The following FBN1 variants were observed in gnomAD, a reference collection of about 807,000 sequenced individuals.
FBN1 encodes fibrillin 1.
In FBN1, 29 loss-of-function variants were observed where a neutral mutation model predicts 365.1. The ratio of observed to expected loss-of-function variants is 0.08; its 90% CI spans 0.06 to 0.11. FBN1 has a LOEUF of 0.11. FBN1 is among the 10% of genes least tolerant of loss of function. FBN1 has a pLI of 1.00. For missense variants in FBN1, 2,476 were observed against 3,703.2 expected (o/e 0.67, Z 8.60); for synonymous variants, 1,210 against 1,270.5 (o/e 0.95, Z 1.01).
chr15:48,412,694 C>G lies in FBN1; in HGVS notation c.8101G>C (p.Val2701Leu). The G allele has an allele frequency of 6.2e-7, 1 of 1,614,252 alleles. No individual in the cohort carries two copies. Among genetic ancestry groups the G allele is most frequent in the Non-Finnish European group, 8.5e-7 (1 of 1,180,028 alleles). ...GAATTGTCATCCATTTCACCACTGA[C>G]AGGTGGCTCTGGGTTTCCTCGGCCC... Reference protein sequence around the residue: ...GMGRGNPEPPVSGEMDDNSLS... With the variant: ...GMGRGNPEPPLSGEMDDNSLS... Residue 2701 changes from valine (V) to leucine (L), a missense_variant, in exon 65 of 66, where the codon GTC (valine) becomes CTC (leucine). This residue lies in a region of FBN1 where 1,780 missense variants were observed against 2,840.8 expected (regional missense o/e 0.63). Coordinates refer to ENST00000316623, the MANE Select transcript of FBN1 (RefSeq NM_000138.5).
rs949922973 is a variant in FBN1 at position 48,606,577 on chromosome 15, AAG to A, written c.346+4149_346+4150del. On this transcript the variant is annotated intron_variant, in intron 4 of 65. Coordinates refer to ENST00000316623, the MANE Select transcript of FBN1 (RefSeq NM_000138.5). ...AACAGATTAGTGGTTGTCAGAATTA[AAG>A]AGAGAATTATGTCGGGAAGAAAATG... 2.6e-4 allele frequency among the ~76,000 whole-genome samples: 39 copies of A among 152,354 alleles called. No homozygotes were observed. The East Asian group carries it at 6.9e-3, about 27-fold the overall frequency.
chr15:48,615,282 AT>A lies in FBN1; in HGVS notation c.165-2191del, dbSNP rs111531060. On this transcript the variant is annotated intron_variant, in intron 2 of 65. Transcript: ENST00000316623. ...CCTGTGGTTGACATAACAAGGTTTT[AT>A]TTTTTTTTTTTACTACAATCATACA... Among the ~76,000 whole-genome samples, 1,131 of 145,802 alleles carry A rather than the reference AT, an allele frequency of 7.8e-3. 12 individuals carry two copies. Among genetic ancestry groups the A allele is most frequent in the African/African-American group, 0.024 (966 of 40,018 alleles).
rs363820 is a variant in FBN1, at chr15:48,436,833, T to C, written c.6496+128A>G. ...ACTCACTAGTATTCTAAATGAATGA[T>C]GTATGAGTGGATGGATAAAACTTAT... On this transcript the variant is annotated intron_variant, in intron 53 of 65. Transcript: ENST00000316623. 71,910 of 744,996 alleles carry C rather than the reference T, an allele frequency of 0.097. 3,842 individuals are homozygous for C. The highest frequency in any genetic ancestry group is 0.17 in the Middle Eastern group (689 of 4,036). The allele number at this position is 744,996 out of a possible 1,614,324, so 46.1% of individuals were successfully genotyped here.
At chr15:48,604,364 G>C (rs1039407782) in intron 4 of FBN1, among the ~76,000 whole-genome samples, 14 of 152,160 alleles carry the variant, frequency 9.2e-5, no homozygotes, top group African/African-American at 3.4e-4. Flanking sequence ...TAAACAGCTA[G>C]ACTAACTTCT....
intron 6 of FBN1, among the ~76,000 whole-genome samples, chr15:48,579,980 G>T (rs2044378792): frequency 6.6e-6 from 1 of 152,134 alleles, no homozygotes; most frequent in South Asian, 2.1e-4. Flanking sequence ...TTTTGAAATT[G>T]AAGGGACACA....
intron 2 of FBN1, chr15:48,644,264 C>T: frequency 3.3e-6 from 1 of 305,350 alleles, no homozygotes; most frequent in Non-Finnish European, 6.3e-6. Context: ...CTAGAAACAA[C>T]CAGAATTGAT....
At chr15:48,605,519 T>C (rs901555323) in intron 4 of FBN1, among the ~76,000 whole-genome samples, 9 of 152,210 alleles carry the variant, frequency 5.9e-5, no homozygotes, top group African/African-American at 2.2e-4. Context: ...AGCTAGTATT[T>C]AGAGTATACA....
chr15:48,600,878 A>G (rs1184909835), intron 4 of FBN1, among the ~76,000 whole-genome samples: 1 of 152,188 alleles, frequency 6.6e-6, no homozygotes, highest in Non-Finnish European at 1.5e-5. Flanking sequence ...GATGGCAATA[A>G]TTTTCCCGTG....
intron 24 of FBN1, among the ~76,000 whole-genome samples, chr15:48,490,564 A>G (rs1053929354): frequency 3.3e-5 from 5 of 152,334 alleles, no homozygotes; most frequent in African/African-American, 1.2e-4. Context: ...TGGAAAGAGG[A>G]CTGCTTTACT....
chr15:48,456,871 T>TGTGTGTGTGTGTGTGTGTGTGTGCGC, intron 43 of FBN1, 109 bp from the exon 44 acceptor site: 2 of 1,083,616 alleles, frequency 1.8e-6, no homozygotes, highest in South Asian at 2.5e-5. Context: ...TGTGTGTGTG[T>TGTGTGTGTGTGTGTGTGTGTGTGCGC]GCGTGCATGT....
At chr15:48,614,459 T>C (rs1342469847) in intron 2 of FBN1, among the ~76,000 whole-genome samples, 1 of 152,218 alleles carries the variant, frequency 6.6e-6, no homozygotes, top group Admixed American at 6.5e-5. Flanking sequence ...TTCAACATCA[T>C]GCAGGTTTGG....
chr15:48,574,144 A>T (rs1411940898), intron 6 of FBN1, among the ~76,000 whole-genome samples: 3 of 152,144 alleles, frequency 2.0e-5, no homozygotes, highest in Non-Finnish European at 2.9e-5. Context: ...ACAATATTAG[A>T]CCCTAAAGAT....
chr15:48,556,491 C>T (rs372771428), intron 6 of FBN1, among the ~76,000 whole-genome samples: 2 of 152,176 alleles, frequency 1.3e-5, no homozygotes, highest in African/African-American at 4.8e-5. Flanking sequence ...GAAATACCCA[C>T]GGATTTAGAA....
At chr15:48,630,080 T>C (rs1407513776) in intron 2 of FBN1, among the ~76,000 whole-genome samples, 1 of 152,238 alleles carries the variant, frequency 6.6e-6, no homozygotes, top group Non-Finnish European at 1.5e-5. Context: ...AACAAATGAC[T>C]TCACTACACC....
At chr15:48,564,468 C>T (rs556094436) in intron 6 of FBN1, among the ~76,000 whole-genome samples, 25 of 151,452 alleles carry the variant, frequency 1.7e-4, no homozygotes, top group Non-Finnish European at 3.2e-4. Context: ...AGTTTCTGGA[C>T]TCAATGTCTC....
rs772219204 is a variant in FBN1, at chr15:48,410,994, T to C, written c.8612A>G (p.His2871Arg). 1.2e-6 allele frequency: 2 copies of C among 1,613,252 alleles called. No individual in the cohort carries two copies. The highest frequency in any genetic ancestry group is 2.2e-5 in the South Asian group (2 of 90,992). ...ATTTGGTCTCTGGATGGTGAATTAA[T>C]GAAGCAAAACCTGGATTTTCATCTT... ...NLKMKIQVLL[H>R] Residue 2871 changes from histidine (H) to arginine (R), a missense_variant, in exon 66 of 66, where the codon CAT becomes CGT. By Grantham distance (29) the His-to-Arg change is conservative. Around this residue, in one of 5 missense-constraint regions of FBN1, gnomAD observed 177 missense variants for 192.7 expected, o/e 0.92. Coordinates refer to ENST00000316623, the MANE Select transcript of FBN1 (RefSeq NM_000138.5).
intron 2 of FBN1, among the ~76,000 whole-genome samples, chr15:48,620,338 ATATT>A (rs1428924338): frequency 2.0e-5 from 3 of 152,190 alleles, no homozygotes; most frequent in Non-Finnish European, 4.4e-5. Context: ...AATAATCACT[ATATT>A]AATCATATCT....
chr15:48,593,729 T>C, intron 6 of FBN1, among the ~76,000 whole-genome samples: 1 of 152,124 alleles, frequency 6.6e-6, no homozygotes, highest in East Asian at 1.9e-4. Context: ...ATGAAGAAAC[T>C]ATAGTTGCTC....
At chr15:48,584,170 T>C (rs1369874281) in intron 6 of FBN1, among the ~76,000 whole-genome samples, 3 of 152,206 alleles carry the variant, frequency 2.0e-5, no homozygotes, top group Admixed American at 6.5e-5. Flanking sequence ...CTGTGCTAAG[T>C]ACTTTGTGGA....
Sources: gnomAD v4.1 joint callset for allele counts (sites outside exome capture counted in the v4.1 genomes callset) on GRCh38, gnomAD v4.1.1 for gene constraint, gnomAD v4.1.1 regional missense constraint, MANE v1.5 for transcripts, NCBI Gene and HGNC (gene_info 2026-07-23, HGNC 2026-07-21) for gene names.